The following BCOR variants were observed in gnomAD, a reference collection of about 807,000 sequenced individuals.
The protein encoded by BCOR is BCL6 corepressor.
BCOR carries 10 observed loss-of-function variants against 86.7 expected under a neutral mutation model. The ratio of observed to expected loss-of-function variants is 0.12; its 90% CI spans 0.07 to 0.20. The LOEUF is 0.20. Ranked by LOEUF, BCOR falls within the 10% of genes least tolerant of loss-of-function variation. BCOR has a pLI of 1.00. For missense variants in BCOR, 1,259 were observed against 1,452.1 expected (o/e 0.87, Z 2.16); for synonymous variants, 611 against 609.0 (o/e 1.00, Z -0.05).
chrX:40,070,863 A>G, intron 6 of BCOR, 110 bp downstream of exon 6: 3 of 769,575 alleles, frequency 3.9e-6, no homozygotes, highest in East Asian at 3.2e-5. Flanking sequence ...GCCACCATTC[A>G]TAAGGACAAT....
At chrX:40,080,373 G>A (rs1049109122) in intron 1 of BCOR, among the ~76,000 whole-genome samples, 1 of 110,920 alleles carries the variant, frequency 9.0e-6, no homozygotes, top group African/African-American at 3.3e-5. Context: ...CCTGGGAGGT[G>A]GAGGTTGCGG....
chrX:40,140,376 A>G (rs1403323034), intron 1 of BCOR, among the ~76,000 whole-genome samples: 4 of 110,530 alleles, frequency 3.6e-5, no homozygotes, highest in African/African-American at 1.3e-4. Context: ...AGGCAGGAGA[A>G]GCACTTGAGC....
intron 1 of BCOR, among the ~76,000 whole-genome samples, chrX:40,154,087 C>T (rs1454367092): frequency 9.0e-6 from 1 of 110,825 alleles, no homozygotes; most frequent in Admixed American, 9.4e-5. Context: ...GGGGCGCCAC[C>T]GAGCGTTCGC....
rs767781079 is a variant in BCOR, at chrX:40,062,241, C to T, written c.4326G>A (p.Glu1442=). The T allele has an allele frequency of 2.3e-5, 28 of 1,209,117 alleles. No individual in the cohort carries two copies. The Admixed American group carries it at 6.1e-4, about 26-fold the overall frequency. Residue 1442 remains glutamate (E), a synonymous_variant, in exon 10 of 15, where the codon GAG becomes GAA. Coordinates refer to ENST00000378444, the MANE Select transcript of BCOR (RefSeq NM_001123385.2). ...TQLPCSSSPQ[E]TTQSRPMPPE... ...GCGGCATAGGGCGAGACTGGGTGGT[C>T]TCCTGAGGGGAACTTGAGCATGGCA...
intron 1 of BCOR, among the ~76,000 whole-genome samples, chrX:40,162,433 G>A (rs1938440207): frequency 9.0e-6 from 1 of 111,516 alleles, no homozygotes; most frequent in African/African-American, 3.3e-5. Context: ...AGTTGGCCCT[G>A]CAGACCCAAA....
intron 1 of BCOR, among the ~76,000 whole-genome samples, chrX:40,119,049 T>C (rs1937441674): frequency 8.9e-6 from 1 of 111,894 alleles, no homozygotes; most frequent in African/African-American, 3.2e-5. Context: ...GCCAGGCTGG[T>C]CTCAAACTCC....
chrX:40,152,126 G>A (rs1258185102), intron 1 of BCOR, among the ~76,000 whole-genome samples: 1 of 111,017 alleles, frequency 9.0e-6, no homozygotes, highest in African/African-American at 3.3e-5. Flanking sequence ...GTTGCAGGGG[G>A]GTATCCGGAG....
intron 1 of BCOR, among the ~76,000 whole-genome samples, chrX:40,156,710 T>A (rs985340795): frequency 1.8e-5 from 2 of 109,406 alleles, no homozygotes; most frequent in Non-Finnish European, 3.8e-5. Flanking sequence ...CCTTTCCCCC[T>A]GCAACTTGGA....
intron 1 of BCOR, among the ~76,000 whole-genome samples, chrX:40,088,325 G>T: frequency 8.9e-6 from 1 of 112,715 alleles, no homozygotes. Flanking sequence ...AAATCGGGGG[G>T]AAACTGCTGG....
At chrX:40,171,500 G>T (rs905961923) in intron 1 of BCOR, among the ~76,000 whole-genome samples, 2 of 111,739 alleles carry the variant, frequency 1.8e-5, no homozygotes, top group Non-Finnish European at 3.8e-5. Context: ...TCCCCATGGG[G>T]GGGGGGCGTA....
At chrX:40,158,367 G>A (rs969240469) in intron 1 of BCOR, among the ~76,000 whole-genome samples, 2 of 111,573 alleles carry the variant, frequency 1.8e-5, no homozygotes, top group African/African-American at 6.5e-5. Flanking sequence ...CGCTGCCCCC[G>A]GCGGTAGGAC....
At chrX:40,176,547 G>A (rs1938758528) in intron 1 of BCOR, among the ~76,000 whole-genome samples, 1 of 112,770 alleles carries the variant, frequency 8.9e-6, no homozygotes, top group African/African-American at 3.2e-5. Context: ...CTCCGCGTCG[G>A]TTCCGCTCTC....
At chrX:40,052,492 C>T in intron 14 of BCOR, 92 bp from the exon 15 acceptor site, 1 of 817,206 alleles carries the variant, frequency 1.2e-6, no homozygotes. Context: ...AGTGGACCAG[C>T]CTCTATGTCC....
At chrX:40,162,089 G>A (rs754932262) in intron 1 of BCOR, among the ~76,000 whole-genome samples, 3 of 111,586 alleles carry the variant, frequency 2.7e-5, no homozygotes, top group South Asian at 3.7e-4. Flanking sequence ...TAGGCCTACC[G>A]CGCCAACATG....
chrX:40,077,570 T>A, intron 2 of BCOR: 1 of 391,100 alleles, frequency 2.6e-6, no homozygotes, highest in Non-Finnish European at 4.5e-6. Flanking sequence ...TAAAGCAGTA[T>A]ATAGACTGGG....
intron 1 of BCOR, among the ~76,000 whole-genome samples, chrX:40,171,342 C>T (rs965301936): frequency 8.9e-6 from 1 of 112,337 alleles, no homozygotes; most frequent in African/African-American, 3.2e-5. Flanking sequence ...CGACTCCAGG[C>T]CCGGGAGGAC....
At chrX:40,140,640 C>G (rs781713784) in intron 1 of BCOR, among the ~76,000 whole-genome samples, 8 of 112,489 alleles carry the variant, frequency 7.1e-5, no homozygotes, top group Non-Finnish European at 1.3e-4. Context: ...GTCTTGTTAA[C>G]CGGGGGTTTC....
At chrX:40,131,447 G>A (rs1021040511) in intron 1 of BCOR, among the ~76,000 whole-genome samples, 1 of 112,105 alleles carries the variant, frequency 8.9e-6, no homozygotes, top group Admixed American at 9.5e-5. Flanking sequence ...ACCTGAGGTC[G>A]GGGGTTCGAG....
chrX:40,147,258 T>A (rs191607083), intron 1 of BCOR, among the ~76,000 whole-genome samples: 2 of 112,590 alleles, frequency 1.8e-5, no homozygotes, highest in African/African-American at 6.5e-5. Context: ...CCTCGAAGTC[T>A]GCCGCAGAAA....
Sources: gnomAD v4.1 joint callset for allele counts (sites outside exome capture counted in the v4.1 genomes callset) on GRCh38, gnomAD v4.1.1 for gene constraint, MANE v1.5 for transcripts, NCBI Gene and HGNC (gene_info 2026-07-23, HGNC 2026-07-21) for gene names.